PACS1: variants seen among roughly 807,000 people sequenced by gnomAD.
PACS1 encodes PACS-1.
In PACS1, 24 loss-of-function variants were observed where a neutral mutation model predicts 115.0. That is an observed-to-expected ratio of 0.21 (90% CI 0.15 to 0.29). The LOEUF is 0.29. PACS1 is among the 10% of genes least tolerant of loss of function. The pLI, the probability that PACS1 is intolerant of heterozygous loss-of-function variation, is 1.00. For missense variants in PACS1, 838 were observed against 1,251.2 expected, an observed-to-expected ratio of 0.67 and a Z score of 4.98; for synonymous variants, 453 against 504.5, an observed-to-expected ratio of 0.90 and a Z score of 1.37.
At chr11:66,186,385 A>C (rs1405405990) in intron 1 of PACS1, among the ~76,000 whole-genome samples, 1 of 152,038 alleles carries the variant, frequency 6.6e-6, no homozygotes, top group Admixed American at 6.6e-5. Context: ...CCAAGCATGC[A>C]GCCAGCTTAA....
intron 1 of PACS1, among the ~76,000 whole-genome samples, chr11:66,142,698 A>T (rs1372836512): frequency 1.3e-5 from 2 of 151,820 alleles, no homozygotes; most frequent in African/African-American, 4.8e-5. Context: ...TTTAAGCTGA[A>T]TGGGAGTGGG....
intron 1 of PACS1, among the ~76,000 whole-genome samples, chr11:66,124,697 C>G (rs1858530431): frequency 6.6e-6 from 1 of 152,178 alleles, no homozygotes; most frequent in South Asian, 2.1e-4. Context: ...CATGGTGTGT[C>G]AGACATCTTA....
intron 1 of PACS1, among the ~76,000 whole-genome samples, chr11:66,099,359 G>A (rs1004673784): frequency 3.9e-5 from 6 of 151,984 alleles, no homozygotes; most frequent in Non-Finnish European, 7.4e-5. Flanking sequence ...GAGTAGCTGG[G>A]ACTACAGGCG....
At chr11:66,074,846 A>G (rs1403243995) in intron 1 of PACS1, among the ~76,000 whole-genome samples, 5 of 152,118 alleles carry the variant, frequency 3.3e-5, no homozygotes, top group Admixed American at 3.3e-4. Flanking sequence ...CCACAGAAGC[A>G]CTATACGAGC....
chr11:66,106,247 G>A (rs940927500), intron 1 of PACS1, among the ~76,000 whole-genome samples: 1 of 152,146 alleles, frequency 6.6e-6, no homozygotes, highest in East Asian at 1.9e-4. Flanking sequence ...CTGGGCGACA[G>A]AGGGAGAACC....
At position 66,233,039 on chromosome 11, in the gene PACS1, C is replaced by T. The variant is rs747956650; in HGVS notation, c.1811C>T (p.Ser604Phe). The change falls in exon 15 of 24, where the codon TCC (serine) becomes TTC (phenylalanine). Residue 604 changes from serine (S) to phenylalanine (F), a missense_variant. Ser to Phe is a radical substitution (Grantham distance 155). Transcript: ENST00000320580. This position sits in a 1 kb window ranked among gnomAD's most constrained non-coding sequence, Gnocchi z 4.5. ...ACCGTGGAGGTCCAGGCCGTGCTGT[C>T]CGCCCTGCTCACCCGGATCCAGCGC... The part of the protein sequence containing the change: ...CSTVEVQAVL[S>F]ALLTRIQRYC... The T allele has an allele frequency of 6.2e-7, 1 of 1,610,816 alleles. No individual in the cohort carries two copies. Among genetic ancestry groups the T allele is most frequent in the Non-Finnish European group, 8.5e-7 (1 of 1,179,826 alleles).
At chr11:66,225,793 G>A (rs1855459592) in intron 10 of PACS1, among the ~76,000 whole-genome samples, 1 of 152,100 alleles carries the variant, frequency 6.6e-6, no homozygotes. Context: ...TAATTAATTT[G>A]TCATATTGAG....
intron 1 of PACS1, among the ~76,000 whole-genome samples, chr11:66,160,663 ATTTTTTTTTTTTTT>A (rs58145434): frequency 8.6e-6 from 1 of 116,220 alleles, no homozygotes; most frequent in Non-Finnish European, 1.7e-5. Flanking sequence ...TGCCTGGCTG[ATTTTTTTTTTTTTT>A]TTTTTTTTTG....
At chr11:66,231,073 T>G in intron 13 of PACS1, 133 bp downstream of exon 13, 1 of 1,154,386 alleles carries the variant, frequency 8.7e-7, no homozygotes, top group Non-Finnish European at 1.3e-6. Flanking sequence ...CAAAAACTCT[T>G]GAAGAAAGAC....
chr11:66,088,643 G>A (rs536025180), intron 1 of PACS1, among the ~76,000 whole-genome samples: 41 of 152,246 alleles, frequency 2.7e-4, no homozygotes, highest in Admixed American at 2.4e-3. Flanking sequence ...CCCTGTCTCC[G>A]TGACTGTATC....
chr11:66,210,291 C>T (rs933998718), intron 2 of PACS1, 71 bp from the exon 3 acceptor site: 26 of 1,197,934 alleles, frequency 2.2e-5, no homozygotes, highest in Non-Finnish European at 3.2e-5. Flanking sequence ...CTGCCTCAGC[C>T]TCCCAAACTG....
At chr11:66,227,946 T>C (rs765464265) in intron 11 of PACS1, among the ~76,000 whole-genome samples, 1 of 152,126 alleles carries the variant, frequency 6.6e-6, no homozygotes, top group Non-Finnish European at 1.5e-5. Flanking sequence ...CCCACAACAT[T>C]CAGTCTCTGA....
intron 2 of PACS1, among the ~76,000 whole-genome samples, chr11:66,199,052 A>C (rs1190019598): frequency 1.3e-5 from 2 of 152,212 alleles, no homozygotes; most frequent in Admixed American, 6.5e-5. Flanking sequence ...GTGGTGGCTC[A>C]CGCCTATAAT....
chr11:66,191,913 C>G (rs1854532669), intron 1 of PACS1, among the ~76,000 whole-genome samples: 1 of 151,982 alleles, frequency 6.6e-6, no homozygotes, highest in African/African-American at 2.4e-5. Flanking sequence ...ATCCCAGCTA[C>G]CCAGGAGGCT....
intron 1 of PACS1, chr11:66,120,924 T>A: frequency 2.3e-6 from 1 of 437,272 alleles, no homozygotes; most frequent in South Asian, 1.6e-5. Flanking sequence ...CCCAGCCCTG[T>A]GCTTCCACAG....
intron 1 of PACS1, among the ~76,000 whole-genome samples, chr11:66,081,990 G>A (rs1857488651): frequency 6.6e-6 from 1 of 151,986 alleles, no homozygotes; most frequent in South Asian, 2.1e-4. Flanking sequence ...ATCTTTGGGT[G>A]TATGTTAATT....
Position 66,219,815 on chromosome 11 carries a change from C to G in PACS1, c.1038+10C>G. 2 of 1,600,380 alleles carry G rather than the reference C, an allele frequency of 1.2e-6. No individual in the cohort carries two copies. The highest frequency in any genetic ancestry group is 1.7e-4 in the Middle Eastern group (1 of 6,034). On this transcript the variant is annotated intron_variant, in intron 8 of 23. Coordinates refer to ENST00000320580, the MANE Select transcript of PACS1 (RefSeq NM_018026.4). ...TAAAGTTTCAGATGAGGTATGGCCT[C>G]TTACTCCCAAGGTTAATGGTGAGTA...
chr11:66,137,126 T>A (rs1011439136), intron 1 of PACS1, among the ~76,000 whole-genome samples: 10 of 152,112 alleles, frequency 6.6e-5, no homozygotes, highest in East Asian at 3.9e-4. Flanking sequence ...CCATCTTTTT[T>A]AAAATGACCT....
At chr11:66,075,909 T>G (rs1226089831) in intron 1 of PACS1, among the ~76,000 whole-genome samples, 1 of 152,116 alleles carries the variant, frequency 6.6e-6, no homozygotes, top group Non-Finnish European at 1.5e-5. Context: ...AGCTAATTTT[T>G]TATATTTTTA....
Sources: allele counts gnomAD v4.1 joint callset (sites outside exome capture counted in the v4.1 genomes callset), GRCh38; gene constraint gnomAD v4.1.1; non-coding constraint Gnocchi (gnomAD v3.1); transcripts MANE v1.5; gene names NCBI Gene and HGNC (gene_info 2026-07-23, HGNC 2026-07-21).